ATXN8OS: variants seen among roughly 807,000 people sequenced by gnomAD.
ATXN8OS encodes ATXN8 opposite strand lncRNA.
At chr13:70,166,781 G>C (rs1042559814) in intron 4 of ATXN8OS, among the ~76,000 whole-genome samples, 1 of 152,006 alleles carries the variant, frequency 6.6e-6, no homozygotes, top group African/African-American at 2.4e-5. Flanking sequence ...CTGACAAAGG[G>C]CTAATATCCA....
chr13:70,118,212 T>A (rs192688480), intron 2 of ATXN8OS, among the ~76,000 whole-genome samples: 1 of 152,092 alleles, frequency 6.6e-6, no homozygotes, highest in East Asian at 1.9e-4. Context: ...TAATGAGAAG[T>A]TAATGAATAA....
chr13:70,118,424 G>A (rs893407281), intron 2 of ATXN8OS, among the ~76,000 whole-genome samples: 2 of 151,892 alleles, frequency 1.3e-5, no homozygotes, highest in Non-Finnish European at 2.9e-5. Context: ...TTATCTACCA[G>A]ATATAATGCA....
At chr13:70,113,409 G>T (rs1888228974) in intron 1 of ATXN8OS, among the ~76,000 whole-genome samples, 1 of 152,002 alleles carries the variant, frequency 6.6e-6, no homozygotes, top group South Asian at 2.1e-4. Context: ...TAACACTAGA[G>T]TCTTTAAAAA....
chr13:70,146,974 T>C (rs1297688338), intron 3 of ATXN8OS, among the ~76,000 whole-genome samples: 1 of 152,182 alleles, frequency 6.6e-6, no homozygotes, highest in Non-Finnish European at 1.5e-5. Flanking sequence ...GACATGTTTA[T>C]TAAGTCTAAA....
intron 2 of ATXN8OS, among the ~76,000 whole-genome samples, chr13:70,128,876 CA>C (rs1350275221): frequency 6.7e-6 from 1 of 148,448 alleles, no homozygotes; most frequent in Non-Finnish European, 1.5e-5. Flanking sequence ...TTTTTTGAGA[CA>C]GAGTTTTTCT....
At chr13:70,136,427 C>CT (rs1297392732) in intron 3 of ATXN8OS, among the ~76,000 whole-genome samples, 1 of 151,622 alleles carries the variant, frequency 6.6e-6, no homozygotes, top group African/African-American at 2.4e-5. Flanking sequence ...TTGTATCCTA[C>CT]TTTTTTGCCT....
Position 70,112,182 on chromosome 13 carries a change from T to C in ATXN8OS, n.241-2959T>C, listed in dbSNP as rs1365355564. Among the ~76,000 whole-genome samples the C allele has an allele frequency of 3.3e-5, 5 of 152,058 alleles. 1 individual carries two copies. The South Asian group carries it at 6.2e-4, about 19-fold the overall frequency. ...ATAACCAGATCTCATGAGAGTTCTA[T>C]CATGAGAACAGAAAGATGGACGCCC... On this transcript the variant is annotated intron_variant and non_coding_transcript_variant, in intron 1 of 4. Transcript: ENST00000678624.
At chr13:70,155,823 G>T (rs1642425512) in intron 4 of ATXN8OS, among the ~76,000 whole-genome samples, 1 of 150,002 alleles carries the variant, frequency 6.7e-6, no homozygotes, top group South Asian at 2.1e-4. Flanking sequence ...AGAAAAAAAG[G>T]ATTCCATCTT....
At chr13:70,145,212 T>C (rs940788686) in intron 3 of ATXN8OS, among the ~76,000 whole-genome samples, 2 of 151,990 alleles carry the variant, frequency 1.3e-5, no homozygotes, top group Non-Finnish European at 1.5e-5. Context: ...TGATCTATAT[T>C]TCTGTTTTGG....
At chr13:70,164,049 T>TTTTTTA (rs1889043520) in intron 4 of ATXN8OS, among the ~76,000 whole-genome samples, 1 of 140,504 alleles carries the variant, frequency 7.1e-6, no homozygotes, top group African/African-American at 2.7e-5. Flanking sequence ...GCTGGAAGTT[T>TTTTTTA]TTATTCTTAT....
chr13:70,107,986 C>A, exon 1 of ATXN8OS: 1 of 439,492 alleles, frequency 2.3e-6, no homozygotes, highest in Non-Finnish European at 4.0e-6. Context: ...TGAGAATCCT[C>A]GATGCCCGCG....
At chr13:70,111,872 G>A (rs1407193515) in intron 1 of ATXN8OS, among the ~76,000 whole-genome samples, 1 of 152,078 alleles carries the variant, frequency 6.6e-6, no homozygotes, top group African/African-American at 2.4e-5. Context: ...GCCTTAAAAT[G>A]GCTCCTGTGA....
intron 3 of ATXN8OS, chr13:70,139,380 ACTACTG>A (rs1351934971): frequency 0.011 from 6,440 of 575,518 alleles, 55 homozygotes; most frequent in African/African-American, 0.042. Flanking sequence ...TACTACTACT[ACTACTG>A]CTGCTGCTGC....
intron 2 of ATXN8OS, among the ~76,000 whole-genome samples, chr13:70,122,389 A>G (rs1376802554): frequency 6.6e-6 from 1 of 152,006 alleles, no homozygotes; most frequent in African/African-American, 2.4e-5. Flanking sequence ...TTACGATTTA[A>G]CTTGAGAGTT....
At chr13:70,152,615 T>C (rs1888884943) in intron 4 of ATXN8OS, among the ~76,000 whole-genome samples, 1 of 151,986 alleles carries the variant, frequency 6.6e-6, no homozygotes, top group Admixed American at 6.6e-5. Flanking sequence ...ATGCCTAGTG[T>C]AGCACCTGGC....
rs142886624 is a variant in ATXN8OS at position 70,167,739 on chromosome 13, T to TTTTC, written n.574-2011_574-2010insCTTT. 6.9e-3 allele frequency among the ~76,000 whole-genome samples: 765 copies of TTTTC among 111,330 alleles called. 67 individuals are homozygous for TTTTC. The highest frequency in any genetic ancestry group is 0.011 in the Non-Finnish European group (620 of 56,046). The allele number at this position is 111,330 out of a possible 152,430, so 73.0% of individuals were successfully genotyped here. A position where few individuals can be genotyped will look rare whatever the true frequency, so the allele number is the denominator to read the frequency against. On this transcript the variant is annotated intron_variant and non_coding_transcript_variant, in intron 4 of 4. Transcript: ENST00000678624. ...ATGTAACTTCTTTTTTTTTTTTTTT[T>TTTTC]TTTTTTTTTTGAGACAGACAGAGTC...
chr13:70,165,944 T>G (rs577643362), intron 4 of ATXN8OS, among the ~76,000 whole-genome samples: 8 of 152,062 alleles, frequency 5.3e-5, no homozygotes, highest in Admixed American at 1.3e-4. Flanking sequence ...TCAATTAGTT[T>G]AGAGCAAAAT....
rs143151285 is a variant in ATXN8OS, at chr13:70,160,108, AATG to A, written n.574-9644_574-9642del. ...TTTAACTTAAAATAGAATATGCCAG[AATG>A]GCTGTACCATTTTTCATTCCCACCA... On this transcript the variant is annotated intron_variant and non_coding_transcript_variant, in intron 4 of 4. Coordinates refer to ENST00000678624, the Ensembl canonical transcript of ATXN8OS. Among the ~76,000 whole-genome samples, 788 of 152,306 alleles carry A rather than the reference AATG, an allele frequency of 5.2e-3. 6 individuals carry two copies. The highest frequency in any genetic ancestry group is 0.018 in the African/African-American group (733 of 41,566).
At chr13:70,115,339 G>A in intron 2 of ATXN8OS, 1 of 397,794 alleles carries the variant, frequency 2.5e-6, no homozygotes, top group East Asian at 3.6e-5. Flanking sequence ...TTCACAGGGA[G>A]GGAGTCCTCA....
Sources: allele counts gnomAD v4.1 joint callset (sites outside exome capture counted in the v4.1 genomes callset), GRCh38; gene constraint gnomAD v4.1.1; transcripts MANE v1.5; gene names NCBI Gene and HGNC (gene_info 2026-07-23, HGNC 2026-07-21).